PAQR8: variants seen among roughly 807,000 people sequenced by gnomAD.
The protein encoded by PAQR8 is membrane progestin receptor beta.
In PAQR8, 17 loss-of-function variants were observed where a neutral mutation model predicts 25.2. The ratio of observed to expected loss-of-function variants is 0.67; its 90% CI spans 0.46 to 1.01. The LOEUF is 1.01. Among genes scored for constraint, PAQR8 ranks in the 50% least tolerant of loss-of-function variants. PAQR8 has a pLI of 0.00. For synonymous variants in PAQR8, 204 were observed against 190.6 expected (o/e 1.07, Z -0.58); for missense variants, 392 against 448.4 (o/e 0.87, Z 1.14).
intron 1 of PAQR8, among the ~76,000 whole-genome samples, chr6:52,387,628 A>G (rs1763647839): frequency 1.3e-5 from 2 of 152,222 alleles, no homozygotes; most frequent in Admixed American, 1.3e-4. Context: ...TGTCTCCCCA[A>G]ATTAATATGT....
At position 52,406,546 on chromosome 6, in the gene PAQR8, A is replaced by G; in HGVS notation, c.*2268A>G. On this transcript the variant is annotated 3_prime_UTR_variant, in exon 2 of 2. Coordinates refer to ENST00000442253, the MANE Select transcript of PAQR8 (RefSeq NM_133367.5). ...AATTTATACAAGTATTGGCCCCTCA[A>G]GTGGTTGGAAATTTTTTTTTTAATC... 2.4e-6 allele frequency: 1 copy of G among 413,438 alleles called. No individual in the cohort carries two copies. Among genetic ancestry groups the G allele is most frequent in the East Asian group, 3.6e-5 (1 of 28,086 alleles). 25.6% of individuals were successfully genotyped at this position (413,438 alleles called of 1,614,324 possible). A position where few individuals can be genotyped will look rare whatever the true frequency, so the allele number is the denominator to read the frequency against.
At chr6:52,394,989 G>A (rs9474217) in intron 1 of PAQR8, among the ~76,000 whole-genome samples, 20,000 of 151,700 alleles carry the variant, frequency 0.13, 2,088 homozygotes, top group African/African-American at 0.29. Flanking sequence ...GATCCCGGCC[G>A]GGCACAGTGA....
chr6:52,389,436 T>G (rs1356803931), intron 1 of PAQR8, among the ~76,000 whole-genome samples: 1 of 152,024 alleles, frequency 6.6e-6, no homozygotes, highest in Non-Finnish European at 1.5e-5. Flanking sequence ...GAGAGAAGGC[T>G]CTCTACACAC....
chr6:52,370,395 C>G (rs560926483), intron 1 of PAQR8, among the ~76,000 whole-genome samples: 19 of 152,104 alleles, frequency 1.2e-4, no homozygotes, highest in Non-Finnish European at 2.8e-4. Context: ...TAATAAGTAC[C>G]CAACACTGCT....
intron 1 of PAQR8, among the ~76,000 whole-genome samples, chr6:52,395,282 A>G (rs1763754918): frequency 6.6e-6 from 1 of 152,010 alleles, no homozygotes; most frequent in Non-Finnish European, 1.5e-5. Flanking sequence ...CAAAAAAAAA[A>G]AAAAAAAAAA....
chr6:52,403,982 G>C lies in PAQR8; in HGVS notation c.769G>C (p.Val257Leu). ...CACCCTCCAGATCCTCTTCTTCCTG[G>C]TTAGCGCTTATTTCTTCTCCTGCCC... ...YHTLQILFFLVSAYFFSCPVP... is the reference protein window; with the variant it reads ...YHTLQILFFLLSAYFFSCPVP... Residue 257 changes from valine to leucine, a missense_variant, in exon 2 of 2, where the codon GTT (valine) becomes CTT (leucine). Val to Leu is a conservative substitution (Grantham distance 32). Coordinates refer to ENST00000442253, the MANE Select transcript of PAQR8 (RefSeq NM_133367.5). 1.2e-6 allele frequency: 2 copies of C among 1,614,234 alleles called. No individual in the cohort carries two copies. The highest frequency in any genetic ancestry group is 2.2e-5 in the East Asian group (1 of 44,894).
intron 1 of PAQR8, among the ~76,000 whole-genome samples, chr6:52,366,959 T>C (rs889870164): frequency 6.6e-6 from 1 of 152,176 alleles, no homozygotes; most frequent in African/African-American, 2.4e-5. Flanking sequence ...TTGGTCAGGC[T>C]GGTCTCGAAC....
intron 1 of PAQR8, among the ~76,000 whole-genome samples, chr6:52,378,739 T>C (rs9296675): frequency 0.94 from 142,594 of 151,544 alleles, 67,721 homozygotes; most frequent in East Asian, 1. Flanking sequence ...TGCAGTGAGC[T>C]GAGATTGGGC....
intron 1 of PAQR8, among the ~76,000 whole-genome samples, chr6:52,399,153 C>G (rs776714267): frequency 3.3e-5 from 5 of 152,262 alleles, no homozygotes; most frequent in Non-Finnish European, 7.4e-5. Context: ...TGGACTTGTA[C>G]CTCTCTGCTT....
At chr6:52,364,081 A>ATTTTTTTTTTTTTTTTTT (rs1581786362) in intron 1 of PAQR8, among the ~76,000 whole-genome samples, 1 of 39,028 alleles carries the variant, frequency 2.6e-5, no homozygotes, top group Non-Finnish European at 5.7e-5. Flanking sequence ...ATTGAAAGAT[A>ATTTTTTTTTTTTTTTTTT]TGTTTTTTTT....
At chr6:52,385,265 C>G (rs1763618333) in intron 1 of PAQR8, among the ~76,000 whole-genome samples, 1 of 152,188 alleles carries the variant, frequency 6.6e-6, no homozygotes, top group Non-Finnish European at 1.5e-5. Context: ...TCTCTACTGG[C>G]TGCCATATAA....
In PAQR8 at chr6:52,379,074, G is replaced by A. The variant is rs181843104; in HGVS notation, c.-53+16825G>A. Reference sequence around the variant, plus strand: ...ATCGTGCCACTGCACTCCAGCCTGAGTGACAAAGCAATACTCTTTATCAAA... The same window carrying A: ...ATCGTGCCACTGCACTCCAGCCTGAATGACAAAGCAATACTCTTTATCAAA... On this transcript the variant is annotated intron_variant, in intron 1 of 1. Coordinates refer to ENST00000442253, the MANE Select transcript of PAQR8 (RefSeq NM_133367.5). 3.6e-3 allele frequency among the ~76,000 whole-genome samples: 477 copies of A among 132,458 alleles called. 2 individuals carry two copies. Among genetic ancestry groups the A allele is most frequent in the African/African-American group, 0.013 (463 of 35,278 alleles). 86.9% of individuals were successfully genotyped at this position (132,458 alleles called of 152,430 possible). A position where few individuals can be genotyped will look rare whatever the true frequency, so the allele number is the denominator to read the frequency against.
rs541316942 is a variant in PAQR8, at chr6:52,384,105, G to A, written c.-52-19057G>A. Among the ~76,000 whole-genome samples the A allele has an allele frequency of 3.3e-5, 5 of 152,284 alleles. No individual in the cohort carries two copies. The South Asian group carries it at 1.0e-3, about 32-fold the overall frequency. ...TGACTGGGGTTTCAGGGAAGCGGGA[G>A]GGAAATGAGACAAATTTCACTCTTG... On this transcript the variant is annotated intron_variant, in intron 1 of 1. Transcript: ENST00000442253.
intron 1 of PAQR8, among the ~76,000 whole-genome samples, chr6:52,374,962 TAG>T (rs1763468134): frequency 6.7e-6 from 1 of 149,946 alleles, no homozygotes; most frequent in Non-Finnish European, 1.5e-5. Context: ...ATAATAATAT[TAG>T]AGATAATGAG....
In PAQR8 at chr6:52,388,468, T is replaced by C. The variant is rs548931022; in HGVS notation, c.-52-14694T>C. Among the ~76,000 whole-genome samples, 50 of 152,188 alleles carry C rather than the reference T, an allele frequency of 3.3e-4. No individual in the cohort carries two copies. In the South Asian group the frequency reaches 5.4e-3, roughly 16 times the overall value. Reference sequence around the variant, plus strand: ...CCAGCCCCCATACGTGGAAAAATTGTCTTCCATGAAATTGGTCCCTGGTGC... The same window carrying C: ...CCAGCCCCCATACGTGGAAAAATTGCCTTCCATGAAATTGGTCCCTGGTGC... On this transcript the variant is annotated intron_variant, in intron 1 of 1. Coordinates refer to ENST00000442253, the MANE Select transcript of PAQR8 (RefSeq NM_133367.5).
intron 1 of PAQR8, among the ~76,000 whole-genome samples, chr6:52,372,819 T>C (rs1193252228): frequency 6.6e-6 from 1 of 151,830 alleles, no homozygotes; most frequent in Non-Finnish European, 1.5e-5. Flanking sequence ...TTTGTGAACA[T>C]TCTAAAATGT....
rs1048774449 is a variant in PAQR8, at chr6:52,378,816, A to T, written c.-53+16567A>T. Among the ~76,000 whole-genome samples, 10 of 143,274 alleles carry T rather than the reference A, an allele frequency of 7.0e-5. No individual in the cohort carries two copies. In the Admixed American group the frequency reaches 7.0e-4, roughly 10 times the overall value. The allele number at this position is 143,274 out of a possible 152,430, so 94.0% of individuals were successfully genotyped here. ...AAAAAAAAGGGGGGGAAGAAAATTG[A>T]CCAGGCATGGTGGCTTAAACCTGTA... On this transcript the variant is annotated intron_variant, in intron 1 of 1. Coordinates refer to ENST00000442253, the MANE Select transcript of PAQR8 (RefSeq NM_133367.5).
At chr6:52,376,279 T>C (rs1763484224) in intron 1 of PAQR8, among the ~76,000 whole-genome samples, 1 of 152,188 alleles carries the variant, frequency 6.6e-6, no homozygotes, top group Admixed American at 6.5e-5. Flanking sequence ...CATTGTGAGC[T>C]GGTAGGCTAT....
chr6:52,394,329 A>C (rs567716420), intron 1 of PAQR8, among the ~76,000 whole-genome samples: 1 of 152,334 alleles, frequency 6.6e-6, no homozygotes, highest in African/African-American at 2.4e-5. Flanking sequence ...ATCACCAAAA[A>C]CGTGTCATTT....
Sources: allele counts gnomAD v4.1 joint callset (sites outside exome capture counted in the v4.1 genomes callset), GRCh38; gene constraint gnomAD v4.1.1; transcripts MANE v1.5; gene names NCBI Gene and HGNC (gene_info 2026-07-23, HGNC 2026-07-21).